PLD1: variants seen among roughly 807,000 people sequenced by gnomAD.
PLD1 encodes the protein choline phosphatase 1.
A neutral mutation model predicts 137.1 loss-of-function variants in PLD1; 112 were observed. The ratio of observed to expected loss-of-function variants is 0.82; its 90% CI spans 0.70 to 0.96. PLD1 has a LOEUF of 0.96. Ranked by LOEUF, PLD1 falls within the 40% of genes least tolerant of loss-of-function variation. PLD1 has a pLI of 0.00. For synonymous variants in PLD1, 431 were observed against 454.7 expected (o/e 0.95, Z 0.66); for missense variants, 1,321 against 1,342.0 (o/e 0.98, Z 0.24).
chr3:171,721,027 A>G (rs1718090148), intron 8 of PLD1, among the ~76,000 whole-genome samples: 1 of 152,148 alleles, frequency 6.6e-6, no homozygotes, highest in South Asian at 2.1e-4. Context: ...CTGAATTTAT[A>G]CAATTTACAT....
At chr3:171,790,954 C>G (rs1234835696) in intron 1 of PLD1, among the ~76,000 whole-genome samples, 2 of 152,174 alleles carry the variant, frequency 1.3e-5, no homozygotes, top group African/African-American at 2.4e-5. Context: ...ACTTTTACAT[C>G]TAAGTTGCTA....
intron 1 of PLD1, among the ~76,000 whole-genome samples, 156 bp downstream of exon 1, chr3:171,810,243 G>A (rs556343783): frequency 5.5e-4 from 84 of 152,216 alleles, no homozygotes; most frequent in Non-Finnish European, 3.2e-4. Flanking sequence ...GGGATCGCTA[G>A]GGAGTCCGCC....
chr3:171,673,370 C>T (rs967281839), intron 19 of PLD1, among the ~76,000 whole-genome samples: 9 of 136,922 alleles, frequency 6.6e-5, no homozygotes, highest in African/African-American at 2.5e-4. Flanking sequence ...CAAACTCTGC[C>T]TCCTGGGTTT....
chr3:171,667,470 A>T lies in PLD1; in HGVS notation c.2230-5300T>A, dbSNP rs1259221328. 3.9e-5 allele frequency among the ~76,000 whole-genome samples: 6 copies of T among 152,356 alleles called. No homozygotes were observed. The East Asian group carries it at 1.2e-3, about 29-fold the overall frequency. ...GTTAATTTTGAGGCTGAAGGACAGA[A>T]AGAAAAGATAATTATTGAAGAATAG... On this transcript the variant is annotated intron_variant, in intron 19 of 26. Coordinates refer to ENST00000351298, the MANE Select transcript of PLD1 (RefSeq NM_002662.5).
At chr3:171,752,125 A>ATT (rs1720711525) in intron 1 of PLD1, among the ~76,000 whole-genome samples, 1 of 152,264 alleles carries the variant, frequency 6.6e-6, no homozygotes, top group Non-Finnish European at 1.5e-5. Flanking sequence ...CATTAGAACT[A>ATT]CATGTATCAA....
At chr3:171,772,905 T>A (rs962281359) in intron 1 of PLD1, among the ~76,000 whole-genome samples, 1 of 152,172 alleles carries the variant, frequency 6.6e-6, no homozygotes, top group African/African-American at 2.4e-5. Flanking sequence ...TATATGATGA[T>A]TTGCATGCCC....
chr3:171,617,334 C>A (rs1196843720), intron 24 of PLD1, among the ~76,000 whole-genome samples: 1 of 152,198 alleles, frequency 6.6e-6, no homozygotes, highest in Non-Finnish European at 1.5e-5. Context: ...ATGAGCTCGA[C>A]TTAGTTTCTC....
At chr3:171,681,673 A>G (rs1713985525) in intron 16 of PLD1, among the ~76,000 whole-genome samples, 1 of 152,210 alleles carries the variant, frequency 6.6e-6, no homozygotes, top group Admixed American at 6.5e-5. Flanking sequence ...CTGTGGATCA[A>G]TGATGACTCT....
chr3:171,740,812 T>TA (rs1000446274), intron 1 of PLD1, among the ~76,000 whole-genome samples: 4 of 152,202 alleles, frequency 2.6e-5, no homozygotes, highest in African/African-American at 9.6e-5. Flanking sequence ...CACAGTTATG[T>TA]TATTTAATAC....
In PLD1 at chr3:171,734,875, A is replaced by C. The variant is rs773708386; in HGVS notation, c.530T>G (p.Leu177Arg). 6.3e-7 allele frequency: 1 copy of C among 1,598,424 alleles called. No homozygotes were observed. Among genetic ancestry groups the C allele is most frequent in the Admixed American group, 1.7e-5 (1 of 59,962 alleles). The change falls in exon 5 of 27, where the codon CTT (leucine) becomes CGT (arginine). Residue 177 changes from leucine to arginine, a missense_variant. Transcript: ENST00000351298. Reference protein sequence around the residue: ...SENMIREEQFLGRRKQLEDYL... With the variant: ...SENMIREEQFRGRRKQLEDYL... ...AGTGAAGAAACTTACTCTTCTACCA[A>C]GGAATTGTTCTTCTCTTATCATGTT...
At chr3:171,805,293 C>G (rs541250857) in intron 1 of PLD1, among the ~76,000 whole-genome samples, 1 of 152,130 alleles carries the variant, frequency 6.6e-6, no homozygotes, top group Non-Finnish European at 1.5e-5. Context: ...CTGAGGGTCA[C>G]GGGCATTAGG....
At chr3:171,643,845 G>T (rs750621766) in intron 22 of PLD1, among the ~76,000 whole-genome samples, 1 of 152,164 alleles carries the variant, frequency 6.6e-6, no homozygotes, top group Middle Eastern at 3.4e-3. Flanking sequence ...CTGTAACTAG[G>T]CAGAAGCACC....
chr3:171,795,218 AC>A (rs1224945843), intron 1 of PLD1, among the ~76,000 whole-genome samples: 1 of 152,076 alleles, frequency 6.6e-6, no homozygotes, highest in Non-Finnish European at 1.5e-5. Context: ...AGGCCCACTC[AC>A]CCCTAGACTC....
chr3:171,625,413 C>T (rs1734013545), intron 23 of PLD1, among the ~76,000 whole-genome samples: 1 of 152,248 alleles, frequency 6.6e-6, no homozygotes, highest in Non-Finnish European at 1.5e-5. Context: ...GTAGGCCCCA[C>T]CTCTGGGGGC....
rs373452262 is a variant in PLD1 at position 171,687,422 on chromosome 3, T to C, written c.1702A>G (p.Arg568Gly). The C allele has an allele frequency of 1.9e-6, 3 of 1,614,060 alleles. No homozygotes were observed. The highest frequency in any genetic ancestry group is 2.2e-5 in the East Asian group (1 of 44,886). The stretch of plus-strand genomic sequence containing the variant: ...CTATCTGCGTCGTGCAGGTGGTGCC[T>C]GTGGAGCTGCTTGTAGAGACTAAAT... ...SKFSLYKQLH[R>G]HHLHDADSIS... The change falls in exon 15 of 27, where the codon AGG becomes GGG. Residue 568 changes from arginine to glycine, a missense_variant. Physicochemically the swap from Arg to Gly is moderately radical, Grantham distance 125. Transcript: ENST00000351298.
intron 12 of PLD1, among the ~76,000 whole-genome samples, chr3:171,697,195 T>C (rs1156820593): frequency 6.6e-6 from 1 of 150,674 alleles, no homozygotes; most frequent in African/African-American, 2.4e-5. Flanking sequence ...CTGAATCAGC[T>C]CTTCCCAGTT....
At chr3:171,746,171 G>A (rs533880670) in intron 1 of PLD1, among the ~76,000 whole-genome samples, 10 of 152,258 alleles carry the variant, frequency 6.6e-5, no homozygotes, top group East Asian at 3.9e-4. Context: ...CCTCCCCTCC[G>A]CGGGCTCCCG....
At chr3:171,631,598 T>C (rs1328038362) in intron 23 of PLD1, among the ~76,000 whole-genome samples, 3 of 152,106 alleles carry the variant, frequency 2.0e-5, no homozygotes, top group Non-Finnish European at 4.4e-5. Flanking sequence ...GGGCTAGTGT[T>C]GGGAATATAT....
At chr3:171,784,147 T>A (rs548028933) in intron 1 of PLD1, among the ~76,000 whole-genome samples, 52 of 152,286 alleles carry the variant, frequency 3.4e-4, no homozygotes, top group Non-Finnish European at 7.1e-4. Context: ...CTGGTGTAAT[T>A]TTTGAACCCT....
Sources: allele counts gnomAD v4.1 joint callset (sites outside exome capture counted in the v4.1 genomes callset), GRCh38; gene constraint gnomAD v4.1.1; transcripts MANE v1.5; gene names NCBI Gene and HGNC (gene_info 2026-07-23, HGNC 2026-07-21).